Variants in DSE observed in about 807,000 individuals in gnomAD.
DSE encodes the protein dermatan-sulfate epimerase.
A neutral mutation model predicts 84.4 loss-of-function variants in DSE; 36 were observed. The ratio of observed to expected loss-of-function variants is 0.43; its 90% CI spans 0.33 to 0.56. The LOEUF is 0.56. Among genes scored for constraint, DSE ranks in the 20% least tolerant of loss-of-function variants. The pLI, the probability that DSE is intolerant of heterozygous loss-of-function variation, is 0.06. For missense variants in DSE, 862 were observed against 1,169.6 expected (o/e 0.74, Z 3.84); for synonymous variants, 410 against 430.1 (o/e 0.95, Z 0.58).
At chr6:116,394,437 G>A (rs984610738) in intron 1 of DSE, among the ~76,000 whole-genome samples, 22 of 132,152 alleles carry the variant, frequency 1.7e-4, no homozygotes, top group African/African-American at 6.0e-4. Flanking sequence ...GTAACAGCGT[G>A]ATTTTTTTTT....
chr6:116,279,703 G>A (rs867154675), intron 2 of DSE: 3 of 1,610,830 alleles, frequency 1.9e-6, no homozygotes, highest in African/African-American at 2.7e-5. Context: ...CATCACCTGT[G>A]TCGCCTCGCT....
exon 1 of DSE, chr6:116,254,203 C>G (rs1173305303): frequency 4.1e-6 from 3 of 724,104 alleles, no homozygotes; most frequent in South Asian, 3.0e-5. Context: ...ATCAATCCAT[C>G]GTATTCCTTT....
At chr6:116,266,896 T>TG (rs1772651348) in intron 2 of DSE, among the ~76,000 whole-genome samples, 1 of 152,248 alleles carries the variant, frequency 6.6e-6, no homozygotes. Context: ...TGCCACATAA[T>TG]GATGTTTCAT....
At chr6:116,419,074 C>T (rs981979211) in intron 2 of DSE, among the ~76,000 whole-genome samples, 7 of 152,260 alleles carry the variant, frequency 4.6e-5, no homozygotes, top group East Asian at 3.9e-4. Flanking sequence ...GGAATATGGA[C>T]GCCAAGCCAG....
chr6:116,430,907 T>G (rs1248773223), intron 3 of DSE, 47 bp from the exon 4 acceptor site: 2 of 1,597,010 alleles, frequency 1.3e-6, no homozygotes, highest in African/African-American at 1.3e-5. Flanking sequence ...TTGTTTATGC[T>G]TTGTCACAGG....
intron 2 of DSE, among the ~76,000 whole-genome samples, chr6:116,259,453 C>T (rs1169784541): frequency 6.6e-6 from 1 of 152,114 alleles, no homozygotes; most frequent in African/African-American, 2.4e-5. Flanking sequence ...AGGAAAAGGA[C>T]AAAATTTCTT....
chr6:116,261,355 G>A (rs985632693), intron 2 of DSE, among the ~76,000 whole-genome samples: 5 of 151,988 alleles, frequency 3.3e-5, no homozygotes, highest in African/African-American at 1.2e-4. Flanking sequence ...AGCCTCCCGA[G>A]GTACTTTATT....
chr6:116,288,574 C>A (rs547639156), intron 2 of DSE: 1 of 152,088 alleles, frequency 6.6e-6, no homozygotes, highest in African/African-American at 2.4e-5. Context: ...GCTATTTCAA[C>A]ATGCATTCAA....
intron 2 of DSE, among the ~76,000 whole-genome samples, chr6:116,425,119 T>C (rs1414540573): frequency 3.9e-5 from 6 of 152,230 alleles, no homozygotes; most frequent in Non-Finnish European, 5.9e-5. Context: ...CAAATTATAG[T>C]AGTTATTATC....
intron 2 of DSE, among the ~76,000 whole-genome samples, chr6:116,283,909 A>G (rs189761065): frequency 6.6e-6 from 1 of 152,344 alleles, no homozygotes; most frequent in East Asian, 1.9e-4. Flanking sequence ...TTATCTTACA[A>G]AAACAACAGT....
chr6:116,428,981 A>C (rs1413888667), intron 3 of DSE, among the ~76,000 whole-genome samples: 2 of 152,230 alleles, frequency 1.3e-5, no homozygotes, highest in Non-Finnish European at 2.9e-5. Flanking sequence ...ACATTGCCTC[A>C]TGTCTTCTGA....
intron 1 of DSE, among the ~76,000 whole-genome samples, chr6:116,374,693 G>A (rs1016405917): frequency 1.1e-4 from 17 of 152,178 alleles, no homozygotes; most frequent in Non-Finnish European, 2.2e-4. Context: ...AGAGCTCCGA[G>A]GTGATCCAGG....
intron 2 of DSE, among the ~76,000 whole-genome samples, chr6:116,361,560 G>A (rs1238747198): frequency 6.6e-6 from 1 of 152,152 alleles, no homozygotes; most frequent in East Asian, 1.9e-4. Flanking sequence ...GGAGGCTAAG[G>A]TGAGAGTATC....
At chr6:116,302,232 A>G (rs1244528657) in intron 2 of DSE, among the ~76,000 whole-genome samples, 1 of 152,224 alleles carries the variant, frequency 6.6e-6, no homozygotes, top group Non-Finnish European at 1.5e-5. Context: ...CAATGGTAGA[A>G]CTAATTTACA....
At chr6:116,362,298 C>T (rs1316328816) in intron 2 of DSE, among the ~76,000 whole-genome samples, 1 of 152,148 alleles carries the variant, frequency 6.6e-6, no homozygotes, top group African/African-American at 2.4e-5. Context: ...GGCCCTCACC[C>T]CTAGAGAATC....
rs779340056 is a variant in DSE, at chr6:116,435,914, T to A, written c.1446T>A (p.Asn482Lys). 6.2e-7 allele frequency: 1 copy of A among 1,614,122 alleles called. No homozygotes were observed. Among genetic ancestry groups the A allele is most frequent in the Non-Finnish European group, 8.5e-7 (1 of 1,180,012 alleles). ...LYGPKYTFFN[N>K]VLMFSPAVSK... is the part of the protein sequence containing the mutation. ...GGCCAAAGTACACCTTCTTCAACAA[T>A]GTTTTGATGTTTTCCCCAGCTGTGT... The change falls in exon 6 of 6, where the codon AAT becomes AAA. Residue 482 changes from asparagine to lysine, a missense_variant. By Grantham distance (94) the Asn-to-Lys change is moderately conservative. This residue lies in a region of DSE where 186 missense variants were observed against 255.1 expected (regional missense o/e 0.73). Transcript: ENST00000644252.
chr6:116,279,986 T>A, intron 2 of DSE: 1 of 1,095,508 alleles, frequency 9.1e-7, no homozygotes, highest in Non-Finnish European at 1.4e-6. Context: ...CGCGAGAACT[T>A]GCTGAGCCCG....
chr6:116,377,373 A>G (rs1026951897), intron 1 of DSE, among the ~76,000 whole-genome samples: 1 of 152,216 alleles, frequency 6.6e-6, no homozygotes, highest in Non-Finnish European at 1.5e-5. Flanking sequence ...TACGAAGGCA[A>G]TATATCAGCC....
rs1173022033 is a variant in DSE, at chr6:116,283,305, A to C, written c.-54+24338A>C. Among the ~76,000 whole-genome samples the C allele has an allele frequency of 2.0e-5, 3 of 152,156 alleles. No homozygotes were observed. The South Asian group carries it at 6.2e-4, about 32-fold the overall frequency. On this transcript the variant is annotated intron_variant, in intron 2 of 3. Coordinates refer to the DSE transcript ENST00000430252. ...TGAGTGCATCTTTCCTAAGTAGCCT[A>C]TGGCTCCTTAATCTTCCTCACCTGA... is the stretch of plus-strand genomic sequence containing the variant.
Sources: gnomAD v4.1 joint callset for allele counts (sites outside exome capture counted in the v4.1 genomes callset) on GRCh38, gnomAD v4.1.1 for gene constraint, gnomAD v4.1.1 regional missense constraint, MANE v1.5 for transcripts, NCBI Gene and HGNC (gene_info 2026-07-23, HGNC 2026-07-21) for gene names.